The following CNTNAP2 variants were observed in gnomAD, a reference collection of about 807,000 sequenced individuals.
CNTNAP2 encodes contactin associated protein 2.
In CNTNAP2, 98 loss-of-function variants were observed where a neutral mutation model predicts 155.2. The ratio of observed to expected loss-of-function variants is 0.63; its 90% CI spans 0.54 to 0.75. The LOEUF (loss-of-function observed/expected upper bound fraction) is 0.75, where lower values mean the gene tolerates loss of function less well. CNTNAP2 is among the 30% of genes least tolerant of loss of function. The pLI, the probability that CNTNAP2 is intolerant of heterozygous loss-of-function variation, is 0.00. For missense variants in CNTNAP2, 1,727 were observed against 1,688.1 expected, an observed-to-expected ratio of 1.02 and a Z score of -0.40; for synonymous variants, 651 against 631.2, an observed-to-expected ratio of 1.03 and a Z score of -0.47.
At chr7:147,664,934 A>G (rs1339936183) in intron 13 of CNTNAP2, among the ~76,000 whole-genome samples, 1 of 152,228 alleles carries the variant, frequency 6.6e-6, no homozygotes, top group Non-Finnish European at 1.5e-5. Flanking sequence ...CAGGTGGCCC[A>G]TAGTTCTAGC....
At chr7:147,446,038 T>C (rs1797732071) in intron 10 of CNTNAP2, among the ~76,000 whole-genome samples, 1 of 152,090 alleles carries the variant, frequency 6.6e-6, no homozygotes, top group African/African-American at 2.4e-5. Flanking sequence ...CCTACCACCC[T>C]ACACCTGCAT....
At chr7:146,207,637 G>GTTTTTTTTTTTTTT (rs57881187) in intron 1 of CNTNAP2, among the ~76,000 whole-genome samples, 3 of 122,360 alleles carry the variant, frequency 2.5e-5, no homozygotes, top group Non-Finnish European at 3.4e-5. Context: ...ACAGGACTGT[G>GTTTTTTTTTTTTTT]TTTTTTTTTT....
chr7:148,276,248 A>G (rs990088315), intron 21 of CNTNAP2, among the ~76,000 whole-genome samples: 1 of 152,210 alleles, frequency 6.6e-6, no homozygotes, highest in Non-Finnish European at 1.5e-5. Flanking sequence ...TTTGAATATA[A>G]GAAGTTTACC....
chr7:147,273,198 C>T (rs981429174), intron 8 of CNTNAP2, among the ~76,000 whole-genome samples: 2 of 152,078 alleles, frequency 1.3e-5, no homozygotes, highest in Admixed American at 6.5e-5. Flanking sequence ...ATCACCACTT[C>T]GCGCCGAAAT....
chr7:147,449,596 C>T (rs1563208227), intron 10 of CNTNAP2, among the ~76,000 whole-genome samples: 1 of 152,058 alleles, frequency 6.6e-6, no homozygotes, highest in Non-Finnish European at 1.5e-5. Context: ...CAGAGGAAGT[C>T]TCAGATTAAG....
chr7:146,168,085 C>T (rs954169443), intron 1 of CNTNAP2, among the ~76,000 whole-genome samples: 16 of 152,238 alleles, frequency 1.1e-4, no homozygotes, highest in African/African-American at 3.6e-4. Context: ...CTTCTGTCTG[C>T]TTTATTTTGG....
intron 22 of CNTNAP2, among the ~76,000 whole-genome samples, chr7:148,396,153 TTC>T (rs1240438214): frequency 6.6e-6 from 1 of 152,148 alleles, no homozygotes; most frequent in Non-Finnish European, 1.5e-5. Context: ...CCATGGTGAC[TTC>T]TCTGTTGATG....
intron 13 of CNTNAP2, among the ~76,000 whole-genome samples, chr7:147,676,331 G>T (rs1222289515): frequency 6.6e-6 from 1 of 151,808 alleles, no homozygotes; most frequent in East Asian, 1.9e-4. Context: ...AACCTGCTAG[G>T]GTTACAGTAA....
At chr7:148,240,869 T>C (rs1342557990) in intron 20 of CNTNAP2, among the ~76,000 whole-genome samples, 1 of 152,146 alleles carries the variant, frequency 6.6e-6, no homozygotes, top group African/African-American at 2.4e-5. Flanking sequence ...GGGAGAAAGA[T>C]GAAGGCCAGA....
At chr7:146,584,244 G>A (rs1798653769) in intron 1 of CNTNAP2, among the ~76,000 whole-genome samples, 1 of 152,120 alleles carries the variant, frequency 6.6e-6, no homozygotes, top group Admixed American at 6.5e-5. Flanking sequence ...GTTCTTCCAT[G>A]TTACACTGAT....
At chr7:146,700,397 T>G (rs560437511) in intron 1 of CNTNAP2, among the ~76,000 whole-genome samples, 1 of 152,234 alleles carries the variant, frequency 6.6e-6, no homozygotes, top group East Asian at 1.9e-4. Context: ...GAGTGATGAT[T>G]TCTAAACTCT....
intron 15 of CNTNAP2, among the ~76,000 whole-genome samples, chr7:147,990,203 C>T (rs1453494842): frequency 5.9e-5 from 9 of 152,074 alleles, no homozygotes; most frequent in African/African-American, 1.2e-4. Context: ...AGGGTGAGGT[C>T]GGGGGAAGCT....
At chr7:147,310,731 TA>T (rs59769518) in intron 9 of CNTNAP2, among the ~76,000 whole-genome samples, 22,398 of 151,930 alleles carry the variant, frequency 0.15, 2,795 homozygotes, top group East Asian at 0.7. Flanking sequence ...TAATCAGTGT[TA>T]AAAAAAATTC....
chr7:147,274,310 A>G (rs1484395850), intron 8 of CNTNAP2, among the ~76,000 whole-genome samples: 2 of 151,984 alleles, frequency 1.3e-5, no homozygotes, highest in Non-Finnish European at 2.9e-5. Flanking sequence ...ATCCTTACCA[A>G]TATCTGATGT....
At chr7:146,703,263 C>T (rs1800907575) in intron 1 of CNTNAP2, among the ~76,000 whole-genome samples, 1 of 152,064 alleles carries the variant, frequency 6.6e-6, no homozygotes, top group Admixed American at 6.6e-5. Context: ...GAAATAGCTA[C>T]AATAGCCATT....
chr7:148,186,780 C>T (rs767131547), intron 18 of CNTNAP2, among the ~76,000 whole-genome samples: 1 of 152,176 alleles, frequency 6.6e-6, no homozygotes, highest in African/African-American at 2.4e-5. Context: ...CTGATTCATT[C>T]CTTACTCTTC....
chr7:146,326,105 T>C (rs1801093033), intron 1 of CNTNAP2, among the ~76,000 whole-genome samples: 1 of 152,208 alleles, frequency 6.6e-6, no homozygotes, highest in Non-Finnish European at 1.5e-5. Flanking sequence ...TGCTCAGACA[T>C]GGTAGATCTA....
intron 15 of CNTNAP2, among the ~76,000 whole-genome samples, chr7:148,019,349 C>G (rs186747021): frequency 6.6e-6 from 1 of 152,278 alleles, no homozygotes; most frequent in African/African-American, 2.4e-5. Context: ...TGAAACCTTC[C>G]TATGTGCAGG....
intron 1 of CNTNAP2, among the ~76,000 whole-genome samples, chr7:146,144,397 C>T (rs1438773408): frequency 6.6e-6 from 1 of 152,140 alleles, no homozygotes; most frequent in Non-Finnish European, 1.5e-5. Flanking sequence ...AGCCTTCTGC[C>T]TGCTTCAGCC....
Sources: gnomAD v4.1 joint callset for allele counts (sites outside exome capture counted in the v4.1 genomes callset) on GRCh38, gnomAD v4.1.1 for gene constraint, MANE v1.5 for transcripts, NCBI Gene and HGNC (gene_info 2026-07-23, HGNC 2026-07-21) for gene names.